The following ESR1 variants were observed in gnomAD, a reference collection of about 807,000 sequenced individuals.
The protein encoded by ESR1 is estrogen receptor.
A neutral mutation model predicts 52.7 loss-of-function variants in ESR1; 12 were observed. The observed-to-expected ratio is 0.23, with a 90% confidence interval of 0.15 to 0.37. ESR1 has a LOEUF of 0.37. Ranked by LOEUF, ESR1 falls within the 10% of genes least tolerant of loss-of-function variation. The pLI is 1.00. For missense variants in ESR1, 584 were observed against 779.7 expected (o/e 0.75, Z 2.99); for synonymous variants, 305 against 316.8 (o/e 0.96, Z 0.39).
In ESR1 at chr6:152,083,376, A is replaced by C. The variant is rs897470792; in HGVS notation, c.1370-11009A>C. 5.3e-5 allele frequency among the ~76,000 whole-genome samples: 8 copies of C among 152,322 alleles called. No individual in the cohort carries two copies. The South Asian group carries it at 1.5e-3, about 28-fold the overall frequency. On this transcript the variant is annotated intron_variant, in intron 6 of 7. Coordinates refer to ENST00000206249, the MANE Select transcript of ESR1 (RefSeq NM_000125.4). ...ACAAGAAATGGGGAAAGGATTCCCT[A>C]TTTAATAAATGGTGCTAGGAAAACT...
At chr6:151,950,284 TG>T (rs1395472241) in intron 4 of ESR1, among the ~76,000 whole-genome samples, 3 of 152,198 alleles carry the variant, frequency 2.0e-5, no homozygotes, top group African/African-American at 7.2e-5. Context: ...GTGTTTATGT[TG>T]AACGTAGTGG....
intron 2 of ESR1, among the ~76,000 whole-genome samples, chr6:151,875,694 T>C (rs1791690287): frequency 6.6e-6 from 1 of 152,030 alleles, no homozygotes; most frequent in African/African-American, 2.4e-5. Flanking sequence ...TAGGAGTCAG[T>C]TGGGCCAAGA....
At chr6:152,006,294 T>G (rs2042326389) in intron 4 of ESR1, among the ~76,000 whole-genome samples, 1 of 152,080 alleles carries the variant, frequency 6.6e-6, no homozygotes, top group African/African-American at 2.4e-5. Flanking sequence ...TTTTTTTAAG[T>G]GTTTGTCCTG....
chr6:152,016,476 A>G (rs2128800110), intron 5 of ESR1, among the ~76,000 whole-genome samples: 1 of 152,276 alleles, frequency 6.6e-6, no homozygotes, highest in Non-Finnish European at 1.5e-5. Context: ...TTTAATTACC[A>G]TCTTGGTGTT....
rs1554274745 is a variant in ESR1 at position 151,876,974 on chromosome 6, A to AC, written c.644-3681_644-3680insC. Among the ~76,000 whole-genome samples, 18 of 151,732 alleles carry AC rather than the reference A, an allele frequency of 1.2e-4. No individual in the cohort carries two copies. The South Asian group carries it at 1.7e-3, about 14-fold the overall frequency. On this transcript the variant is annotated intron_variant, in intron 2 of 7. Transcript: ENST00000206249. ...AGTCCTGTCTTTTCAGTTAAAAAAA[A>AC]ACACACACACACACACTGCTATGTT...
intron 4 of ESR1, among the ~76,000 whole-genome samples, chr6:151,954,010 T>C (rs886764868): frequency 2.0e-5 from 3 of 152,192 alleles, no homozygotes; most frequent in Admixed American, 2.0e-4. Flanking sequence ...ACCCCGCCTC[T>C]AGCCCTTTCT....
intron 2 of ESR1, among the ~76,000 whole-genome samples, chr6:151,783,630 G>A (rs1390275977): frequency 6.6e-6 from 1 of 152,194 alleles, no homozygotes; most frequent in Non-Finnish European, 1.5e-5. Context: ...TGGGAAGACA[G>A]TAGAGATTTC....
chr6:151,818,236 A>T (rs1433146022), intron 1 of ESR1, among the ~76,000 whole-genome samples: 1 of 152,162 alleles, frequency 6.6e-6, no homozygotes, highest in Non-Finnish European at 1.5e-5. Flanking sequence ...ACTCAGAATA[A>T]GCAGCTGAAA....
intron 2 of ESR1, among the ~76,000 whole-genome samples, chr6:151,772,292 C>T (rs1057295659): frequency 6.6e-6 from 1 of 152,158 alleles, no homozygotes; most frequent in Non-Finnish European, 1.5e-5. Flanking sequence ...GCAAGAGTGG[C>T]CCTTCCAACA....
chr6:151,815,633 C>T (rs888501623), intron 1 of ESR1, among the ~76,000 whole-genome samples: 10 of 152,234 alleles, frequency 6.6e-5, no homozygotes, highest in African/African-American at 2.2e-4. Context: ...AAGGACTCCA[C>T]ACAGCATTCC....
intron 5 of ESR1, among the ~76,000 whole-genome samples, chr6:152,017,924 A>G (rs897703979): frequency 1.3e-5 from 2 of 152,092 alleles, no homozygotes; most frequent in African/African-American, 2.4e-5. Flanking sequence ...TTTGACTCCT[A>G]TTTACTCTCA....
intron 1 of ESR1, among the ~76,000 whole-genome samples, chr6:151,834,160 A>G (rs141549804): frequency 7.0e-4 from 106 of 152,304 alleles, no homozygotes; most frequent in Admixed American, 1.3e-3. Flanking sequence ...AGGATCTAGA[A>G]CCAGAAATAC....
At chr6:151,730,755 T>A (rs1383099357) in intron 2 of ESR1, among the ~76,000 whole-genome samples, 1 of 152,138 alleles carries the variant, frequency 6.6e-6, no homozygotes, top group Non-Finnish European at 1.5e-5. Flanking sequence ...CATGCTGAGG[T>A]CTCAAGAATA....
intron 6 of ESR1, among the ~76,000 whole-genome samples, chr6:152,091,738 C>A (rs550086778): frequency 6.6e-6 from 1 of 152,096 alleles, no homozygotes; most frequent in African/African-American, 2.4e-5. Context: ...GGTGTGCCTT[C>A]ACACCGTGCA....
chr6:152,003,910 G>C lies in ESR1; in HGVS notation c.1097-7746G>C, dbSNP rs2042145437. ...CATATTTAGCCATTAAAAGGTATGT[G>C]GTAAACTAAACTGATGAATAAAGGT... On this transcript the variant is annotated intron_variant, in intron 4 of 7. Transcript: ENST00000206249. Among the ~76,000 whole-genome samples the C allele has an allele frequency of 1.3e-5, 2 of 151,698 alleles. 1 individual carries two copies. Among genetic ancestry groups the C allele is most frequent in the South Asian group, 4.2e-4 (2 of 4,790 alleles).
intron 3 of ESR1, among the ~76,000 whole-genome samples, chr6:151,923,609 A>G (rs111888013): frequency 0.01 from 1,566 of 152,244 alleles, 25 homozygotes; most frequent in African/African-American, 0.033. Context: ...GGCTACTTTC[A>G]CTTAGCAATA....
At chr6:151,939,007 A>T (rs2034711041) in intron 3 of ESR1, among the ~76,000 whole-genome samples, 1 of 152,186 alleles carries the variant, frequency 6.6e-6, no homozygotes, top group Non-Finnish European at 1.5e-5. Context: ...TTTGATGCAA[A>T]TATTGTCTAG....
intron 4 of ESR1, among the ~76,000 whole-genome samples, chr6:152,009,356 G>A (rs1210531471): frequency 5.9e-5 from 9 of 152,028 alleles, no homozygotes; most frequent in Admixed American, 5.9e-4. Flanking sequence ...AAATTTGATG[G>A]AATCATGCAT....
chr6:151,895,802 C>T (rs773333231), intron 3 of ESR1, among the ~76,000 whole-genome samples: 4 of 152,060 alleles, frequency 2.6e-5, no homozygotes, highest in Admixed American at 6.6e-5. Flanking sequence ...GCTAGTATTT[C>T]GTTAAGGATA....
Sources: gnomAD v4.1 joint callset for allele counts (sites outside exome capture counted in the v4.1 genomes callset) on GRCh38, gnomAD v4.1.1 for gene constraint, MANE v1.5 for transcripts, NCBI Gene and HGNC (gene_info 2026-07-23, HGNC 2026-07-21) for gene names.